Variants in NT5DC1 observed in about 807,000 individuals in gnomAD.
The protein encoded by NT5DC1 is 5'-nucleotidase domain containing 1, also known as 5'-nucleotidase domain-containing protein 1.
A neutral mutation model predicts 59.4 loss-of-function variants in NT5DC1; 42 were observed. That is an observed-to-expected ratio of 0.71 (90% CI 0.55 to 0.92). The LOEUF is 0.92. NT5DC1 is among the 40% of genes least tolerant of loss of function. The pLI, the probability that NT5DC1 is intolerant of heterozygous loss-of-function variation, is 0.00. For synonymous variants in NT5DC1, 172 were observed against 188.1 expected, an observed-to-expected ratio of 0.91 and a Z score of 0.70; for missense variants, 501 against 537.1, an observed-to-expected ratio of 0.93 and a Z score of 0.66.
At position 116,224,607 on chromosome 6, in the gene NT5DC1, T is replaced by C. The variant is rs190954158; in HGVS notation, c.802+1476T>C. Among the ~76,000 whole-genome samples, 725 of 152,316 alleles carry C rather than the reference T, an allele frequency of 4.8e-3. 7 individuals are homozygous for C. The highest frequency in any genetic ancestry group is 0.016 in the African/African-American group (668 of 41,572). ...GAGAAGAGCAGAGGAAGAGTGTTCC[T>C]GGCAGTGGATCAAATGAATGCCAAG... On this transcript the variant is annotated intron_variant, in intron 8 of 11. Transcript: ENST00000319550.
intron 6 of NT5DC1, among the ~76,000 whole-genome samples, chr6:116,202,543 G>T (rs760895788): frequency 6.6e-6 from 1 of 151,764 alleles, no homozygotes; most frequent in African/African-American, 2.4e-5. Context: ...AAAAACAAAG[G>T]CTATTTTCTT....
At chr6:116,234,943 A>G (rs1782087231) in intron 8 of NT5DC1, among the ~76,000 whole-genome samples, 1 of 151,394 alleles carries the variant, frequency 6.6e-6, no homozygotes, top group South Asian at 2.1e-4. Flanking sequence ...TAAATTAATT[A>G]TTCCTTAAGG....
chr6:116,220,212 ACTAG>A (rs1377002123), intron 6 of NT5DC1, among the ~76,000 whole-genome samples: 7 of 128,108 alleles, frequency 5.5e-5, no homozygotes, highest in Non-Finnish European at 9.3e-5. Context: ...TTATCTGCTT[ACTAG>A]TTCTATCATG....
At position 116,135,848 on chromosome 6, in the gene NT5DC1, TATATATATATATATATATATATATAC is replaced by T. The variant is rs570817866; in HGVS notation, c.529+17905_529+17930del. On this transcript the variant is annotated intron_variant, in intron 6 of 11. Coordinates refer to ENST00000319550, the MANE Select transcript of NT5DC1 (RefSeq NM_152729.3). ...ATATATTTTCAGATATATATATATA[TATATATATATATATATATATATATAC>T]ACACATACACACACATTGCTAAATG... Among the ~76,000 whole-genome samples, 327 of 105,580 alleles carry T rather than the reference TATATATATATATATATATATATATAC, an allele frequency of 3.1e-3. 6 individuals are homozygous for T. The highest frequency in any genetic ancestry group is 0.014 in the African/African-American group (287 of 20,658). 69.3% of individuals were successfully genotyped at this position (105,580 alleles called of 152,430 possible). A position where few individuals can be genotyped will look rare whatever the true frequency, so the allele number is the denominator to read the frequency against.
rs184176737 is a variant in NT5DC1 at position 116,204,426 on chromosome 6, C to T, written c.530-16628C>T. On this transcript the variant is annotated intron_variant, in intron 6 of 11. Coordinates refer to ENST00000319550, the MANE Select transcript of NT5DC1 (RefSeq NM_152729.3). ...GCAAGGTAAAACAATGAGATGTCCA[C>T]TTTCACTTAGTATATCAGCAAAAAT... Among the ~76,000 whole-genome samples the T allele has an allele frequency of 2.6e-3, 392 of 152,086 alleles. 1 individual carries two copies. Among genetic ancestry groups the T allele is most frequent in the African/African-American group, 9.2e-3 (381 of 41,542 alleles).
At chr6:116,118,880 C>T (rs972864339) in intron 6 of NT5DC1, 19 of 152,166 alleles carry the variant, frequency 1.2e-4, no homozygotes, top group African/African-American at 4.1e-4. Flanking sequence ...AGATGCATCA[C>T]CAATATAGGG....
At chr6:116,202,193 A>T (rs1781362764) in intron 6 of NT5DC1, among the ~76,000 whole-genome samples, 1 of 151,982 alleles carries the variant, frequency 6.6e-6, no homozygotes, top group Non-Finnish European at 1.5e-5. Context: ...CCTCCATGTG[A>T]TGCAGGCTCC....
chr6:116,222,591 T>C (rs1038200070), intron 7 of NT5DC1, among the ~76,000 whole-genome samples: 5 of 152,358 alleles, frequency 3.3e-5, no homozygotes, highest in African/African-American at 1.2e-4. Flanking sequence ...AAGCACTCTC[T>C]GAAAGATGAC....
chr6:116,128,393 A>G (rs2114320802), intron 6 of NT5DC1, among the ~76,000 whole-genome samples: 1 of 152,252 alleles, frequency 6.6e-6, no homozygotes, highest in Non-Finnish European at 1.5e-5. Flanking sequence ...GTTTACTTGT[A>G]GCTGTTTGAA....
At chr6:116,194,752 A>G (rs1781190056) in intron 6 of NT5DC1, among the ~76,000 whole-genome samples, 1 of 152,036 alleles carries the variant, frequency 6.6e-6, no homozygotes, top group African/African-American at 2.4e-5. Context: ...AAGAGTTAGA[A>G]ACAAATGACT....
intron 6 of NT5DC1, chr6:116,125,708 C>T: frequency 2.4e-6 from 1 of 423,668 alleles, no homozygotes; most frequent in Non-Finnish European, 4.2e-6. Flanking sequence ...AAGCTATACT[C>T]AGGTAATCAA....
At chr6:116,121,921 T>G (rs1380697747) in intron 6 of NT5DC1, 2 of 1,613,636 alleles carry the variant, frequency 1.2e-6, no homozygotes, top group South Asian at 2.2e-5. Context: ...CAGCAGGGCC[T>G]GGTGGACCAG....
intron 6 of NT5DC1, among the ~76,000 whole-genome samples, chr6:116,179,348 C>T (rs988025470): frequency 6.6e-6 from 1 of 152,176 alleles, no homozygotes; most frequent in Admixed American, 6.5e-5. Context: ...TTAATACTTT[C>T]TTCAGAGAAT....
At chr6:116,141,028 A>C (rs1779752491) in intron 6 of NT5DC1, among the ~76,000 whole-genome samples, 2 of 152,130 alleles carry the variant, frequency 1.3e-5, no homozygotes, top group Non-Finnish European at 2.9e-5. Context: ...GCTAATTCCA[A>C]ATTATTTTCT....
At chr6:116,156,942 C>T (rs986119014) in intron 6 of NT5DC1, among the ~76,000 whole-genome samples, 3 of 152,158 alleles carry the variant, frequency 2.0e-5, no homozygotes, top group African/African-American at 7.2e-5. Context: ...TGACCAGCCA[C>T]TCACTCCCTG....
chr6:116,206,309 A>G (rs954214139), intron 6 of NT5DC1, among the ~76,000 whole-genome samples: 3 of 152,008 alleles, frequency 2.0e-5, no homozygotes, highest in Admixed American at 6.6e-5. Flanking sequence ...GCATTGTGCT[A>G]AATGTTTCAC....
intron 6 of NT5DC1, among the ~76,000 whole-genome samples, chr6:116,127,241 T>C (rs1779340219): frequency 6.6e-6 from 1 of 152,106 alleles, no homozygotes; most frequent in Non-Finnish European, 1.5e-5. Context: ...AACTAAAGAT[T>C]TGTCCTTTTT....
Position 116,125,474 on chromosome 6 carries a change from A to G in NT5DC1, c.529+7529A>G, listed in dbSNP as rs745826013. 10 of 1,613,898 alleles carry G rather than the reference A, an allele frequency of 6.2e-6. No homozygotes were observed. The highest frequency in any genetic ancestry group is 8.5e-6 in the Non-Finnish European group (10 of 1,179,832). On this transcript the variant is annotated intron_variant, in intron 6 of 11. Transcript: ENST00000319550. ...AAGTTCAAGGATACTAGCAGCAAAA[A>G]GGGTATTTGTGGCAGCATATTCTCA...
At chr6:116,237,655 A>G (rs1782143383) in intron 9 of NT5DC1, 3 of 364,570 alleles carry the variant, frequency 8.2e-6, no homozygotes, top group East Asian at 7.3e-5. Context: ...GACTCAATCA[A>G]TGGAGTCCTC....
Sources: gnomAD v4.1 joint callset for allele counts (sites outside exome capture counted in the v4.1 genomes callset) on GRCh38, gnomAD v4.1.1 for gene constraint, MANE v1.5 for transcripts, NCBI Gene and HGNC (gene_info 2026-07-23, HGNC 2026-07-21) for gene names.